OR6J1: variants seen among roughly 807,000 people sequenced by gnomAD.
OR6J1 encodes olfactory receptor family 6 subfamily J member 1, also known as olfactory receptor 6J1.
For missense variants in OR6J1, 304 were observed against 166.8 expected (o/e 1.82, Z -4.53); for synonymous variants, 109 against 70.0 (o/e 1.56, Z -2.78).
intron 1 of OR6J1, among the ~76,000 whole-genome samples, chr14:22,636,186 C>T (rs1214564089): frequency 6.6e-6 from 1 of 150,912 alleles, no homozygotes; most frequent in Non-Finnish European, 1.5e-5. Context: ...GATGCTTGAT[C>T]TCATTAGTAA....
In OR6J1 at chr14:22,631,719, G is replaced by A. The variant is rs2037547783; in HGVS notation, c.*2049C>T. Reference sequence around the variant, plus strand: ...AATCACAAGGGTATTCATTGGGGAAGTGATAAGTGTCCATGAAATCTTCAC... The same window carrying A: ...AATCACAAGGGTATTCATTGGGGAAATGATAAGTGTCCATGAAATCTTCAC... On this transcript the variant is annotated 3_prime_UTR_variant, in exon 2 of 2. Coordinates refer to ENST00000540461, the MANE Select transcript of OR6J1 (RefSeq NM_001348233.2). 2 of 152,934 alleles carry A rather than the reference G, an allele frequency of 1.3e-5. No homozygotes were observed. The highest frequency in any genetic ancestry group is 4.8e-5 in the African/African-American group (2 of 41,480). The allele number at this position is 152,934 out of a possible 1,614,324, so 9.5% of individuals were successfully genotyped here.
chr14:22,640,485 ATTTTTTT>A (rs1299631664), intron 1 of OR6J1, among the ~76,000 whole-genome samples: 3 of 118,032 alleles, frequency 2.5e-5, no homozygotes, highest in East Asian at 4.7e-4. Flanking sequence ...GTGAGAATGT[ATTTTTTT>A]TTTTTTTTTT....
At chr14:22,641,616 C>T (rs1435914946) in intron 1 of OR6J1, among the ~76,000 whole-genome samples, 3 of 149,400 alleles carry the variant, frequency 2.0e-5, no homozygotes, top group African/African-American at 7.4e-5. Context: ...TATATATATA[C>T]ATAGTTGGAT....
At position 22,633,787 on chromosome 14, in the gene OR6J1, G is replaced by A. The variant is rs1354835539; in HGVS notation, c.1025C>T (p.Ser342Phe). The A allele has an allele frequency of 4.3e-6, 3 of 692,698 alleles. No individual in the cohort carries two copies. The highest frequency in any genetic ancestry group is 2.0e-5 in the Admixed American group (1 of 49,138). The allele number at this position is 692,698 out of a possible 1,614,324, so 42.9% of individuals were successfully genotyped here. Residue 342 changes from serine to phenylalanine, a missense_variant, in exon 2 of 2, where the codon TCT becomes TTT. Transcript: ENST00000540461. Reference sequence around the variant, plus strand: ...CTCTTTCTAACACTGGAGCTTTACAGAATAGACACATGGTGGAGAAGAGCA... The same window carrying A: ...CTCTTTCTAACACTGGAGCTTTACAAAATAGACACATGGTGGAGAAGAGCA... Reference protein sequence around the residue: ...RACSSPPCVYSVKLQC With the variant: ...RACSSPPCVYFVKLQC
Position 22,634,135 on chromosome 14 carries a change from C to T in OR6J1, c.677G>A (p.Arg226His), listed in dbSNP as rs3829405. 120,753 of 703,076 alleles carry T rather than the reference C, an allele frequency of 0.17. 11,435 individuals carry two copies. Among genetic ancestry groups the T allele is most frequent in the African/African-American group, 0.31 (17,991 of 57,258 alleles). 43.6% of individuals were successfully genotyped at this position (703,076 alleles called of 1,614,324 possible). A position where few individuals can be genotyped will look rare whatever the true frequency, so the allele number is the denominator to read the frequency against. The change falls in exon 2 of 2, where the codon CGC becomes CAC. Residue 226 changes from arginine to histidine, a missense_variant. Arg to His is a conservative substitution (Grantham distance 29). Coordinates refer to ENST00000540461, the MANE Select transcript of OR6J1 (RefSeq NM_001348233.2). ...SYTYIILTIV[R>H]IPSASGRKKA... ...CTTCCTTCCACTTGCAGAAGGAATG[C>T]GCACTATGGTCAAGATGATGTACGT... is the stretch of plus-strand genomic sequence containing the variant.
chr14:22,638,523 C>CG (rs1319492838), intron 1 of OR6J1, among the ~76,000 whole-genome samples: 2 of 94,032 alleles, frequency 2.1e-5, no homozygotes, highest in Non-Finnish European at 3.9e-5. Context: ...TGCGGAAGGC[C>CG]GCAGGGTCCT....
chr14:22,641,395 GAGAAAGGAAGGATGGA>G (rs2037648853), intron 1 of OR6J1, among the ~76,000 whole-genome samples: 4 of 24,634 alleles, frequency 1.6e-4, no homozygotes, highest in African/African-American at 5.5e-4. Flanking sequence ...GAGAGAGAGA[GAGAAAGGAAGGATGGA>G]AGGAAGGAAG....
rs546185011 is a variant in OR6J1 at position 22,631,383 on chromosome 14, C to A, written c.*2385G>T. 1 of 152,170 alleles carries A rather than the reference C, an allele frequency of 6.6e-6. No individual in the cohort carries two copies. The highest frequency in any genetic ancestry group is 2.4e-5 in the African/African-American group (1 of 41,444). 9.4% of individuals were successfully genotyped at this position (152,170 alleles called of 1,614,324 possible). A position where few individuals can be genotyped will look rare whatever the true frequency, so the allele number is the denominator to read the frequency against. On this transcript the variant is annotated 3_prime_UTR_variant, in exon 2 of 2. Transcript: ENST00000540461. ...GTCTATAGGACTACACTCCCAGGCG[C>A]GTACTCTCTTTCCCAGGGATGTTCC... is the stretch of plus-strand genomic sequence containing the variant.
Position 22,634,693 on chromosome 14 carries a change from C to T in OR6J1, c.119G>A (p.Gly40Glu), listed in dbSNP as rs752847602. The T allele has an allele frequency of 6.8e-6, 5 of 731,786 alleles. No homozygotes were observed. The highest frequency in any genetic ancestry group is 1.3e-5 in the Non-Finnish European group (5 of 398,124). 45.3% of individuals were successfully genotyped at this position (731,786 alleles called of 1,614,324 possible). A position where few individuals can be genotyped will look rare whatever the true frequency, so the allele number is the denominator to read the frequency against. ...LLPTFLLTLL[G>E]NLLIISTVLS... ...CACAGTGGAGATGATGAGCAGGTTCCCCAGAAGAGTCAGCAGGAACGTGGG... is the reference window on the plus strand; with the variant it reads ...CACAGTGGAGATGATGAGCAGGTTCTCCAGAAGAGTCAGCAGGAACGTGGG... The change falls in exon 2 of 2, where the codon GGG (glycine) becomes GAG (glutamate). Residue 40 changes from glycine (G) to glutamate (E), a missense_variant. Physicochemically the swap from Gly to Glu is moderately conservative, Grantham distance 98 (BLOSUM62 -2). Transcript: ENST00000540461.
rs916327141 is a variant in OR6J1, at chr14:22,631,668, T to C, written c.*2100A>G. The C allele has an allele frequency of 6.6e-6, 1 of 152,260 alleles. No individual in the cohort carries two copies. The highest frequency in any genetic ancestry group is 1.5e-5 in the Non-Finnish European group (1 of 68,074). 9.4% of individuals were successfully genotyped at this position (152,260 alleles called of 1,614,324 possible). A position where few individuals can be genotyped will look rare whatever the true frequency, so the allele number is the denominator to read the frequency against. ...CATACATCTTCCTCAGCTGACAGGA[T>C]TAAGAGATTAAAGACAGGCATAGGA... On this transcript the variant is annotated 3_prime_UTR_variant, in exon 2 of 2. Transcript: ENST00000540461.
chr14:22,641,437 ATGAAAGAG>A (rs2037650250), intron 1 of OR6J1, among the ~76,000 whole-genome samples: 8 of 69,720 alleles, frequency 1.1e-4, no homozygotes, highest in East Asian at 8.7e-4. Context: ...GAAAGAAAGA[ATGAAAGAG>A]AGAGAAAGAA....
chr14:22,642,112 C>T (rs1200065169), intron 1 of OR6J1, among the ~76,000 whole-genome samples: 2 of 151,896 alleles, frequency 1.3e-5, no homozygotes, highest in African/African-American at 4.8e-5. Context: ...CACGACCTGC[C>T]CTACCTTCCT....
chr14:22,640,129 A>G (rs1392417336), intron 1 of OR6J1, among the ~76,000 whole-genome samples: 3 of 149,976 alleles, frequency 2.0e-5, no homozygotes, highest in Non-Finnish European at 1.5e-5. Context: ...CTAGGTAGAG[A>G]AACTTGCACA....
intron 1 of OR6J1, among the ~76,000 whole-genome samples, chr14:22,638,870 G>A (rs1222666832): frequency 5.3e-5 from 5 of 93,928 alleles, no homozygotes; most frequent in African/African-American, 2.6e-4. Flanking sequence ...TCCCATCTAG[G>A]AAGTGAGGAG....
chr14:22,642,946 G>A (rs1415842878), intron 1 of OR6J1, among the ~76,000 whole-genome samples: 2 of 151,808 alleles, frequency 1.3e-5, no homozygotes, highest in Non-Finnish European at 2.9e-5. Context: ...AGGACTACAG[G>A]TGCACACCAT....
intron 1 of OR6J1, among the ~76,000 whole-genome samples, chr14:22,635,640 G>A (rs1681584): frequency 0.23 from 35,320 of 152,072 alleles, 4,382 homozygotes; most frequent in African/African-American, 0.32. Context: ...ACATAAAAAT[G>A]ACCAATGGAA....
At chr14:22,637,654 C>T (rs1483091445) in intron 1 of OR6J1, among the ~76,000 whole-genome samples, 5,918 of 38,154 alleles carry the variant, frequency 0.16, 70 homozygotes, top group African/African-American at 0.3. Context: ...GCCCCCCGCC[C>T]GGCCAGCTGC....
At chr14:22,639,465 C>G (rs2037625696) in intron 1 of OR6J1, among the ~76,000 whole-genome samples, 1 of 131,872 alleles carries the variant, frequency 7.6e-6, no homozygotes, top group African/African-American at 3.4e-5. Context: ...TGCCCGGCCA[C>G]CACCCCGTCT....
chr14:22,633,725 T>A lies in OR6J1; in HGVS notation c.*43A>T, dbSNP rs559763629. ...CTTTCCACTATAGACTATTCAGAAT[T>A]CCTTAGCTAGCTCACTCTTTCACTA... On this transcript the variant is annotated 3_prime_UTR_variant, in exon 2 of 2. Coordinates refer to ENST00000540461, the MANE Select transcript of OR6J1 (RefSeq NM_001348233.2). 2.0e-4 allele frequency: 128 copies of A among 629,526 alleles called. No individual in the cohort carries two copies. Among genetic ancestry groups the A allele is most frequent in the Non-Finnish European group, 2.9e-4 (103 of 353,930 alleles). The allele number at this position is 629,526 out of a possible 1,614,324, so 39.0% of individuals were successfully genotyped here. A position where few individuals can be genotyped will look rare whatever the true frequency, so the allele number is the denominator to read the frequency against.
Sources: gnomAD v4.1 joint callset for allele counts (sites outside exome capture counted in the v4.1 genomes callset) on GRCh38, gnomAD v4.1.1 for gene constraint, MANE v1.5 for transcripts, NCBI Gene and HGNC (gene_info 2026-07-23, HGNC 2026-07-21) for gene names.